Variants in SMC2 observed in about 807,000 individuals in gnomAD.
SMC2 encodes structural maintenance of chromosomes 2.
Under a neutral mutation model 142.6 loss-of-function variants are expected in SMC2, and 41 were observed. That is an observed-to-expected ratio of 0.29 (90% CI 0.22 to 0.37). The LOEUF is 0.37. SMC2 is among the 10% of genes least tolerant of loss of function. The pLI, the probability that SMC2 is intolerant of heterozygous loss-of-function variation, is 1.00. For synonymous variants in SMC2, 463 were observed against 457.5 expected (o/e 1.01, Z -0.15); for missense variants, 1,265 against 1,373.7 (o/e 0.92, Z 1.25).
chr9:104,118,157 T>C lies in SMC2; in HGVS notation c.1792-14T>C. ...AGTAGTATGTACTGTGGCATATCTG[T>C]TGTTGTCCCACAGGTTGGCCCTGAC... On this transcript the variant is annotated splice_polypyrimidine_tract_variant and intron_variant, in intron 14 of 24. Transcript: ENST00000374793. The C allele has an allele frequency of 1.9e-6, 3 of 1,609,934 alleles. No homozygotes were observed. The highest frequency in any genetic ancestry group is 1.7e-6 in the Non-Finnish European group (2 of 1,176,362).
chr9:104,106,342 G>A (rs914083608), intron 9 of SMC2, among the ~76,000 whole-genome samples: 2 of 152,118 alleles, frequency 1.3e-5, no homozygotes, highest in African/African-American at 4.8e-5. Flanking sequence ...TCCCTTTCAG[G>A]CAGCAAGTCC....
chr9:104,123,330 A>G, intron 17 of SMC2, 98 bp downstream of exon 17: 2 of 1,243,164 alleles, frequency 1.6e-6, no homozygotes, highest in Non-Finnish European at 2.2e-6. Context: ...TAAGATATAT[A>G]TGATAAAGTT....
chr9:104,114,279 T>G (rs1389980598), intron 12 of SMC2, among the ~76,000 whole-genome samples, 198 bp downstream of exon 12: 3 of 152,190 alleles, frequency 2.0e-5, no homozygotes, highest in Non-Finnish European at 4.4e-5. Context: ...CTTGTGAAAT[T>G]TAATGGCTAA....
At chr9:104,136,963 C>T (rs1389780708) in intron 23 of SMC2, among the ~76,000 whole-genome samples, 2 of 152,008 alleles carry the variant, frequency 1.3e-5, no homozygotes, top group East Asian at 1.9e-4. Flanking sequence ...GCCTGGCCAA[C>T]ATGGTGAAAT....
At chr9:104,093,259 G>T (rs1367964117), upstream of SMC2, among the ~76,000 whole-genome samples, 3 of 151,978 alleles carry the variant, frequency 2.0e-5, no homozygotes, top group Non-Finnish European at 2.9e-5. Flanking sequence ...AAGTATCAAC[G>T]TGCTTGGAAA....
At chr9:104,132,210 A>G (rs7847097) in intron 22 of SMC2, 85 bp downstream of exon 22, 16,123 of 738,260 alleles carry the variant, frequency 0.022, 943 homozygotes, top group African/African-American at 0.18. Context: ...AATTTGAAAT[A>G]GCTGATCTAT....
chr9:104,112,727 A>G (rs1210335018), intron 10 of SMC2, among the ~76,000 whole-genome samples: 2 of 152,172 alleles, frequency 1.3e-5, no homozygotes, highest in African/African-American at 4.8e-5. Flanking sequence ...TCTAGGTTTT[A>G]GAATACTAGT....
rs71501412 is a variant in SMC2 at position 104,097,119 on chromosome 9, GT to G, written c.318+845del. Among the ~76,000 whole-genome samples, 467 of 104,114 alleles carry G rather than the reference GT, an allele frequency of 4.5e-3. 1 individual carries two copies. Among genetic ancestry groups the G allele is most frequent in the African/African-American group, 0.012 (343 of 28,138 alleles). The allele number at this position is 104,114 out of a possible 152,430, so 68.3% of individuals were successfully genotyped here. On this transcript the variant is annotated intron_variant, in intron 3 of 24. Transcript: ENST00000374793. The stretch of plus-strand genomic sequence containing the variant: ...CAGGCAGTGTTTTCAGCTTGTCAAG[GT>G]TTTTTTTTTTTTTTTTTTTTTTCCT...
At chr9:104,093,944 G>A (rs374898933), upstream of SMC2, among the ~76,000 whole-genome samples, 2 of 152,246 alleles carry the variant, frequency 1.3e-5, no homozygotes, top group East Asian at 1.9e-4. Flanking sequence ...TCGCTTTGAG[G>A]AGAGAAAAGT....
upstream of SMC2, among the ~76,000 whole-genome samples, chr9:104,090,983 A>G (rs1829975081): frequency 1.3e-5 from 2 of 152,234 alleles, no homozygotes; most frequent in Admixed American, 1.3e-4. Context: ...CTGACATTAA[A>G]ATGAATGGGT....
chr9:104,089,176 A>G, the SMC2 span, among the ~76,000 whole-genome samples: 1 of 152,180 alleles, frequency 6.6e-6, no homozygotes, highest in Non-Finnish European at 1.5e-5. Context: ...ACATATATAT[A>G]GTAAAACTTT....
chr9:104,136,600 T>TGCTGAAGGG (rs1835554879), intron 23 of SMC2, among the ~76,000 whole-genome samples: 1 of 152,118 alleles, frequency 6.6e-6, no homozygotes, highest in Non-Finnish European at 1.5e-5. Flanking sequence ...AGAATTTTTT[T>TGCTGAAGGG]TTTAAGATTA....
Position 104,125,115 on chromosome 9 carries a change from T to A in SMC2, c.2451+10T>A. ...GAAAGAAAAACAACAGGTAATAACT[T>A]CTTTTTGAAATTGAACCAACCTTTT... On this transcript the variant is annotated intron_variant, in intron 18 of 24. Coordinates refer to ENST00000374793, the MANE Select transcript of SMC2 (RefSeq NM_006444.3). 6.4e-7 allele frequency: 1 copy of A among 1,561,742 alleles called. No individual in the cohort carries two copies. The highest frequency in any genetic ancestry group is 1.4e-5 in the African/African-American group (1 of 71,998).
chr9:104,095,652 T>A lies in SMC2; in HGVS notation c.168+100T>A. The stretch of plus-strand genomic sequence containing the variant: ...GATATTCTCTTCATTTGTGTTTTTA[T>A]ACTTTTTGTAAATTACACCTCACTG... On this transcript the variant is annotated intron_variant, in intron 2 of 24. Coordinates refer to ENST00000374793, the MANE Select transcript of SMC2 (RefSeq NM_006444.3). 3.2e-6 allele frequency: 3 copies of A among 928,058 alleles called. No individual in the cohort carries two copies. The South Asian group carries it at 4.9e-5, about 15-fold the overall frequency. The allele number at this position is 928,058 out of a possible 1,614,324, so 57.5% of individuals were successfully genotyped here. A position where few individuals can be genotyped will look rare whatever the true frequency, so the allele number is the denominator to read the frequency against.
chr9:104,119,699 A>AAGTTT (rs1833517911), intron 15 of SMC2, among the ~76,000 whole-genome samples: 1 of 152,116 alleles, frequency 6.6e-6, no homozygotes, highest in Non-Finnish European at 1.5e-5. Context: ...CTGCCTCCTA[A>AAGTTT]AGTTTACTTT....
Position 104,099,658 on chromosome 9 carries a change from A to G in SMC2, c.456A>G (p.Lys152=), listed in dbSNP as rs1250877012. The part of the protein sequence containing the change: ...HFLIMQGRIT[K]VLNMKPPEIL... ...TTTATTTTCAGGGCCGAATTACAAA[A>G]GTATTGAATATGAAACCTCCAGAGG... Residue 152 remains lysine (K), a synonymous_variant, in exon 5 of 25, where the codon AAA becomes AAG. Coordinates refer to ENST00000374793, the MANE Select transcript of SMC2 (RefSeq NM_006444.3). The G allele has an allele frequency of 1.9e-6, 3 of 1,570,462 alleles. No homozygotes were observed. Among genetic ancestry groups the G allele is most frequent in the African/African-American group, 1.4e-5 (1 of 73,972 alleles).
rs775387245 is a variant in SMC2, at chr9:104,096,222, C to A, written c.243C>A (p.Ile81=). 1 of 1,613,826 alleles carries A rather than the reference C, an allele frequency of 6.2e-7. No homozygotes were observed. The highest frequency in any genetic ancestry group is 8.5e-7 in the Non-Finnish European group (1 of 1,179,688). ...QAGITKASVS[I]TFDNSDKKQS... ...GTATTACCAAAGCCTCTGTGTCAAT[C>A]ACTTTTGATAATTCTGACAAAAAGC... Residue 81 remains isoleucine, a synonymous_variant, in exon 3 of 25, where the codon ATC becomes ATA. Coordinates refer to ENST00000374793, the MANE Select transcript of SMC2 (RefSeq NM_006444.3).
chr9:104,106,497 G>A (rs892975670), intron 9 of SMC2, among the ~76,000 whole-genome samples: 8 of 152,168 alleles, frequency 5.3e-5, no homozygotes, highest in African/African-American at 1.9e-4. Flanking sequence ...GGGCTGAAGC[G>A]ATTCTCCTGC....
At position 104,127,019 on chromosome 9, in the gene SMC2, C is replaced by CAAAAAACG; in HGVS notation, c.2595+236_2595+243dup. Among the ~76,000 whole-genome samples, 3 of 152,166 alleles carry CAAAAAACG rather than the reference C, an allele frequency of 2.0e-5. No homozygotes were observed. The South Asian group carries it at 6.2e-4, about 32-fold the overall frequency. ...TTGATTCCATCTACATTACATCTAACAAAAAACGCTCTCATTTGCAGCATG... is the reference window on the plus strand; with the variant it reads ...TTGATTCCATCTACATTACATCTAACAAAAAACGAAAAAACGCTCTCATTTGCAGCATG... On this transcript the variant is annotated intron_variant, in intron 19 of 24. Transcript: ENST00000374793.
Sources: gnomAD v4.1 joint callset for allele counts (sites outside exome capture counted in the v4.1 genomes callset) on GRCh38, gnomAD v4.1.1 for gene constraint, MANE v1.5 for transcripts, NCBI Gene and HGNC (gene_info 2026-07-23, HGNC 2026-07-21) for gene names.